MGST1: variants seen among roughly 807,000 people sequenced by gnomAD.
MGST1 encodes microsomal glutathione S-transferase 1, also known as glutathione S-transferase 12.
A neutral mutation model predicts 8.9 loss-of-function variants in MGST1; 5 were observed. The ratio of observed to expected loss-of-function variants is 0.56; its 90% CI spans 0.29 to 1.19. The LOEUF (loss-of-function observed/expected upper bound fraction) is 1.19. MGST1 is among the 50% of genes most tolerant of loss of function. The probability of loss-of-function intolerance (pLI) is 0.08; values close to 1 mark genes in which losing one functional copy is unlikely to be tolerated. For missense variants in MGST1, 182 were observed against 187.4 expected, an observed-to-expected ratio of 0.97 and a Z score of 0.17; for synonymous variants, 54 against 67.8, an observed-to-expected ratio of 0.80 and a Z score of 1.00.
At chr12:16,495,141 C>T (rs2137160735) in intron 4 of MGST1, among the ~76,000 whole-genome samples, 1 of 152,202 alleles carries the variant, frequency 6.6e-6, no homozygotes, top group East Asian at 1.9e-4. Context: ...GATAACAAAC[C>T]TCCATTCATC....
chr12:16,521,252 T>G (rs1005825056), intron 4 of MGST1, among the ~76,000 whole-genome samples: 1 of 152,126 alleles, frequency 6.6e-6, no homozygotes, highest in Non-Finnish European at 1.5e-5. Context: ...CTTGTCAGAA[T>G]AGCCAGACCA....
rs1300611171 is a variant in MGST1, at chr12:16,432,729, CACAG to C, written n.779-4657_779-4654del. ...ACACACACACACACACACACACACA[CACAG>C]AGAGAGAGAATATTGTCAGAGTTCT... On this transcript the variant is annotated intron_variant and non_coding_transcript_variant, in intron 1 of 1. Coordinates refer to the MGST1 transcript ENST00000359720. Among the ~76,000 whole-genome samples, 274 of 131,142 alleles carry C rather than the reference CACAG, an allele frequency of 2.1e-3. 2 individuals carry two copies. Among genetic ancestry groups the C allele is most frequent in the African/African-American group, 5.5e-3 (196 of 35,348 alleles). 86.0% of individuals were successfully genotyped at this position (131,142 alleles called of 152,430 possible).
intron 1 of MGST1, among the ~76,000 whole-genome samples, chr12:16,406,562 G>T (rs181654815): frequency 6.6e-6 from 1 of 152,068 alleles, no homozygotes; most frequent in Non-Finnish European, 1.5e-5. Flanking sequence ...TAGAAAAAAC[G>T]GTTTTAAAGT....
intron 1 of MGST1, among the ~76,000 whole-genome samples, chr12:16,433,415 G>A (rs534864351): frequency 6.6e-6 from 1 of 152,138 alleles, no homozygotes; most frequent in Non-Finnish European, 1.5e-5. Context: ...ATCACAGTGT[G>A]GTTTCGGTTC....
At chr12:16,387,849 C>A (rs896288547) in intron 1 of MGST1, among the ~76,000 whole-genome samples, 1 of 152,052 alleles carries the variant, frequency 6.6e-6, no homozygotes, top group East Asian at 2.0e-4. Context: ...TTCACTGTAC[C>A]TTTTCTATGT....
At chr12:16,455,204 C>T (rs1261531299) in intron 4 of MGST1, among the ~76,000 whole-genome samples, 2 of 151,912 alleles carry the variant, frequency 1.3e-5, no homozygotes, top group African/African-American at 2.4e-5. Context: ...AAAATAATAG[C>T]CAACATTAAT....
chr12:16,542,214 T>G (rs1019572872), intron 4 of MGST1, among the ~76,000 whole-genome samples: 1 of 152,150 alleles, frequency 6.6e-6, no homozygotes, highest in Non-Finnish European at 1.5e-5. Flanking sequence ...TGGCTATTCC[T>G]GGATGCAAGA....
At chr12:16,529,000 G>C (rs1200778860) in intron 4 of MGST1, among the ~76,000 whole-genome samples, 1 of 149,764 alleles carries the variant, frequency 6.7e-6, no homozygotes, top group African/African-American at 2.4e-5. Flanking sequence ...TGATGATTCA[G>C]GGAGAGGAGA....
At chr12:16,357,932 C>A (rs1211575613) in intron 3 of MGST1, among the ~76,000 whole-genome samples, 1 of 152,074 alleles carries the variant, frequency 6.6e-6, no homozygotes, top group African/African-American at 2.4e-5. Flanking sequence ...AATGACGTTG[C>A]TGTATATAGG....
chr12:16,401,809 T>C lies in MGST1; in HGVS notation n.778+18205T>C, dbSNP rs1565447713. 2.5e-6 allele frequency: 4 copies of C among 1,604,084 alleles called. No homozygotes were observed. The highest frequency in any genetic ancestry group is 3.4e-6 in the Non-Finnish European group (4 of 1,170,802). On this transcript the variant is annotated intron_variant and non_coding_transcript_variant, in intron 1 of 1. Coordinates refer to the MGST1 transcript ENST00000359720. The surrounding 1 kb of genome is among the most constrained non-coding windows in gnomAD (Gnocchi z 4.3). ...CAAACTTTCTCATCTGCATCAACTATTTCCATGACTCTTTCCTTGAAGAAT... is the reference window on the plus strand; with the variant it reads ...CAAACTTTCTCATCTGCATCAACTACTTCCATGACTCTTTCCTTGAAGAAT...
rs572743524 is a variant in MGST1 at position 16,544,293 on chromosome 12, C to A, written n.483-45235C>A. Reference sequence around the variant, plus strand: ...CATAACCTACTAGTCAATCTGCCTGCATTGCATCAGGGTCTATAAAAGCTA... The same window carrying A: ...CATAACCTACTAGTCAATCTGCCTGAATTGCATCAGGGTCTATAAAAGCTA... On this transcript the variant is annotated intron_variant and non_coding_transcript_variant, in intron 4 of 4. Coordinates refer to the MGST1 transcript ENST00000538857. This position sits in a 1 kb window ranked among gnomAD's most constrained non-coding sequence, Gnocchi z 4.8. Among the ~76,000 whole-genome samples the A allele has an allele frequency of 5.3e-5, 8 of 150,282 alleles. No homozygotes were observed. The highest frequency in any genetic ancestry group is 2.0e-4 in the African/African-American group (8 of 40,666).
chr12:16,421,425 A>G (rs1454732059), intron 1 of MGST1, among the ~76,000 whole-genome samples: 2 of 152,228 alleles, frequency 1.3e-5, no homozygotes, highest in East Asian at 3.9e-4. Flanking sequence ...CACTAAACCA[A>G]TAAAGCCCAG....
chr12:16,484,643 G>A (rs757199514), intron 4 of MGST1, among the ~76,000 whole-genome samples: 1 of 152,066 alleles, frequency 6.6e-6, no homozygotes, highest in Non-Finnish European at 1.5e-5. Flanking sequence ...GAGGAAGAGA[G>A]CAAAGAGGTA....
intron 4 of MGST1, among the ~76,000 whole-genome samples, chr12:16,571,536 A>G (rs1227926325): frequency 6.6e-6 from 1 of 152,048 alleles, no homozygotes; most frequent in Non-Finnish European, 1.5e-5. Context: ...TTCTAGGACA[A>G]TCCTGGATAT....
intron 2 of MGST1, among the ~76,000 whole-genome samples, chr12:16,356,570 T>A (rs766575853): frequency 2.6e-5 from 4 of 152,174 alleles, no homozygotes; most frequent in Admixed American, 6.6e-5. Flanking sequence ...AATTTTGCAG[T>A]TTGTGTTTTT....
intron 4 of MGST1, among the ~76,000 whole-genome samples, chr12:16,459,042 A>C (rs998199891): frequency 6.6e-6 from 1 of 152,128 alleles, no homozygotes; most frequent in Non-Finnish European, 1.5e-5. Flanking sequence ...AAATGCTTTA[A>C]ACGACAAAAG....
downstream of MGST1, among the ~76,000 whole-genome samples, chr12:16,367,883 A>G (rs1343463544): frequency 6.6e-6 from 1 of 152,172 alleles, no homozygotes; most frequent in African/African-American, 2.4e-5. Context: ...TTGGATAGGT[A>G]TAGTCAATGC....
chr12:16,420,001 T>C (rs1222604187), intron 1 of MGST1, among the ~76,000 whole-genome samples: 2 of 152,168 alleles, frequency 1.3e-5, no homozygotes, highest in Non-Finnish European at 2.9e-5. Context: ...AGTATATAAA[T>C]GCTAAAAGCA....
At chr12:16,390,102 A>G (rs1397766013) in intron 1 of MGST1, among the ~76,000 whole-genome samples, 1 of 152,108 alleles carries the variant, frequency 6.6e-6, no homozygotes, top group Non-Finnish European at 1.5e-5. Flanking sequence ...AAAGACTGAC[A>G]TTTACACATT....
Sources: allele counts gnomAD v4.1 joint callset (sites outside exome capture counted in the v4.1 genomes callset), GRCh38; gene constraint gnomAD v4.1.1; non-coding constraint Gnocchi (gnomAD v3.1); transcripts MANE v1.5; gene names NCBI Gene and HGNC (gene_info 2026-07-23, HGNC 2026-07-21).